Variants in PKP4 observed in about 807,000 individuals in gnomAD.
PKP4 encodes plakophilin 4.
PKP4 carries 90 observed loss-of-function variants against 145.1 expected under a neutral mutation model. The observed-to-expected ratio is 0.62, with a 90% CI of 0.52 to 0.74. The LOEUF (loss-of-function observed/expected upper bound fraction) is 0.74. Ranked by LOEUF, PKP4 falls within the 30% of genes least tolerant of loss-of-function variation. The probability of loss-of-function intolerance (pLI) is 0.00; values close to 1 mark genes in which losing one functional copy is unlikely to be tolerated. For missense variants in PKP4, 1,340 were observed against 1,482.7 expected, an observed-to-expected ratio of 0.90 and a Z score of 1.58; for synonymous variants, 563 against 577.2, an observed-to-expected ratio of 0.98 and a Z score of 0.35.
chr2:158,545,073 C>CTTT (rs386391605), intron 2 of PKP4, among the ~76,000 whole-genome samples: 14,526 of 72,424 alleles, frequency 0.2, 3,884 homozygotes, highest in African/African-American at 0.31. Flanking sequence ...AAGTCTTTCA[C>CTTT]TTTTTTTTTT....
At chr2:158,616,736 C>G (rs2051664004) in intron 4 of PKP4, among the ~76,000 whole-genome samples, 1 of 152,170 alleles carries the variant, frequency 6.6e-6, no homozygotes, top group Non-Finnish European at 1.5e-5. Context: ...CTATGAAAGA[C>G]TAGTCACAGG....
intron 2 of PKP4, among the ~76,000 whole-genome samples, chr2:158,557,293 C>G (rs2046180772): frequency 6.6e-6 from 1 of 151,868 alleles, no homozygotes; most frequent in South Asian, 2.1e-4. Context: ...TTACATGAGT[C>G]TGTGTCAGAT....
At chr2:158,662,854 A>G (rs2056731067) in intron 13 of PKP4, 43 bp from the exon 14 acceptor site, 1 of 1,525,990 alleles carries the variant, frequency 6.6e-7, no homozygotes, top group South Asian at 1.2e-5. Context: ...TTTTGCTCTA[A>G]TGTGCCGAGT....
Position 158,662,856 on chromosome 2 carries a change from G to A in PKP4, c.2212-41G>A, listed in dbSNP as rs3764835. ...CAGTACAGAAGTGTTTTGCTCTAAT[G>A]TGCCGAGTTGTTTTTAATTATACGC... On this transcript the variant is annotated intron_variant, in intron 13 of 21. Transcript: ENST00000389759. The A allele has an allele frequency of 0.14, 215,460 of 1,534,826 alleles. 16,382 individuals are homozygous for A. The highest frequency in any genetic ancestry group is 0.15 in the Non-Finnish European group (174,803 of 1,132,900).
chr2:158,542,078 G>A, intron 2 of PKP4, among the ~76,000 whole-genome samples: 1 of 151,988 alleles, frequency 6.6e-6, no homozygotes, highest in Admixed American at 6.6e-5. Context: ...TTCAAAGTAA[G>A]CCCTTTATGC....
At chr2:158,637,806 G>A (rs2053937354) in intron 9 of PKP4, among the ~76,000 whole-genome samples, 1 of 152,224 alleles carries the variant, frequency 6.6e-6, no homozygotes, top group South Asian at 2.1e-4. Context: ...ACAGAAGTCT[G>A]GGCTTAGGTT....
At chr2:158,572,332 C>A (rs370461794) in intron 2 of PKP4, among the ~76,000 whole-genome samples, 86 of 152,258 alleles carry the variant, frequency 5.6e-4, no homozygotes, top group African/African-American at 1.6e-3. Flanking sequence ...CCAGTCTTTC[C>A]CCTGAAAGAA....
chr2:158,523,610 C>A (rs1332139399), intron 1 of PKP4, among the ~76,000 whole-genome samples: 2 of 125,098 alleles, frequency 1.6e-5, no homozygotes, highest in Non-Finnish European at 3.3e-5. Flanking sequence ...TCCTCACCAG[C>A]AACAGAACAA....
In PKP4 at chr2:158,510,691, G is replaced by A. The variant is rs548873954; in HGVS notation, c.-5-22489G>A. On this transcript the variant is annotated intron_variant, in intron 1 of 21. Coordinates refer to ENST00000389759, the MANE Select transcript of PKP4 (RefSeq NM_003628.6). ...GAAGAGCAGGGCTGGAGTTCCAGGA[G>A]GGCTGGGCCAGATTGGGCTGGTGGG... Among the ~76,000 whole-genome samples the A allele has an allele frequency of 2.0e-5, 3 of 152,342 alleles. No individual in the cohort carries two copies. The East Asian group carries it at 5.8e-4, about 29-fold the overall frequency.
chr2:158,585,405 C>T (rs563700440), intron 3 of PKP4, among the ~76,000 whole-genome samples: 4 of 152,288 alleles, frequency 2.6e-5, no homozygotes, highest in African/African-American at 7.2e-5. Context: ...TTCCCCACTG[C>T]CATTCAGATT....
chr2:158,639,351 T>C (rs369891764), intron 9 of PKP4, among the ~76,000 whole-genome samples: 3 of 148,180 alleles, frequency 2.0e-5, no homozygotes, highest in Non-Finnish European at 4.5e-5. Flanking sequence ...TGCGTGCGTG[T>C]GTGTTTGCGT....
intron 3 of PKP4, among the ~76,000 whole-genome samples, chr2:158,590,806 C>T (rs2108217): frequency 0.74 from 112,562 of 151,962 alleles, 42,618 homozygotes; most frequent in East Asian, 0.92. Flanking sequence ...CACCAATGGC[C>T]ACTAAAATCA....
At chr2:158,606,869 G>C (rs1415459779) in intron 4 of PKP4, among the ~76,000 whole-genome samples, 1 of 152,182 alleles carries the variant, frequency 6.6e-6, no homozygotes, top group African/African-American at 2.4e-5. Context: ...CTATAGTGGA[G>C]ATGTATAACT....
chr2:158,560,007 C>T (rs139665515), intron 2 of PKP4, among the ~76,000 whole-genome samples: 2,698 of 152,130 alleles, frequency 0.018, 49 homozygotes, highest in Non-Finnish European at 0.023. Context: ...GCTGGGATTA[C>T]AGTCATGCAC....
At chr2:158,506,858 A>G (rs1021308449) in intron 1 of PKP4, among the ~76,000 whole-genome samples, 7 of 152,196 alleles carry the variant, frequency 4.6e-5, no homozygotes, top group Non-Finnish European at 8.8e-5. Context: ...AGAAGTTCCT[A>G]TAGAGGCAAT....
At chr2:158,626,851 C>T (rs2052846770) in intron 7 of PKP4, among the ~76,000 whole-genome samples, 1 of 151,876 alleles carries the variant, frequency 6.6e-6, no homozygotes, top group Non-Finnish European at 1.5e-5. Context: ...TTCGTGAAAG[C>T]TTTTTTTTAC....
At chr2:158,520,984 T>C (rs2042323198) in intron 1 of PKP4, among the ~76,000 whole-genome samples, 2 of 152,260 alleles carry the variant, frequency 1.3e-5, no homozygotes, top group African/African-American at 4.8e-5. Flanking sequence ...TCCATTCTTC[T>C]GTTAATAGTC....
rs756428523 is a variant in PKP4, at chr2:158,631,783, G to C, written c.1184G>C (p.Ser395Thr). The C allele has an allele frequency of 5.0e-6, 8 of 1,614,088 alleles. No homozygotes were observed. Among genetic ancestry groups the C allele is most frequent in the Non-Finnish European group, 5.9e-6 (7 of 1,179,992 alleles). Reference protein sequence around the residue: ...GLRSSYASQHSQLGQDLRSAV... With the variant: ...GLRSSYASQHTQLGQDLRSAV... The stretch of plus-strand genomic sequence containing the variant: ...CGGAGTTCCTATGCTAGTCAGCATA[G>C]TCAGCTTGGGCAAGACCTTCGTTCT... Residue 395 changes from serine (S) to threonine (T), a missense_variant, in exon 8 of 22, where the codon AGT (serine) becomes ACT (threonine). By Grantham distance (58) the Ser-to-Thr change is moderately conservative. Coordinates refer to ENST00000389759, the MANE Select transcript of PKP4 (RefSeq NM_003628.6).
At chr2:158,515,120 T>C (rs528945841) in intron 1 of PKP4, among the ~76,000 whole-genome samples, 40 of 152,338 alleles carry the variant, frequency 2.6e-4, no homozygotes, top group Middle Eastern at 3.4e-3. Flanking sequence ...AAACTGGACA[T>C]GTTTTAGGCT....
Sources: gnomAD v4.1 joint callset for allele counts (sites outside exome capture counted in the v4.1 genomes callset) on GRCh38, gnomAD v4.1.1 for gene constraint, MANE v1.5 for transcripts, NCBI Gene and HGNC (gene_info 2026-07-23, HGNC 2026-07-21) for gene names.